Variants in COMMD10 observed in about 807,000 individuals in gnomAD.
COMMD10 encodes the protein COMM domain containing 10.
Under a neutral mutation model 28.9 loss-of-function variants are expected in COMMD10, and 33 were observed. The observed-to-expected ratio is 1.14, with a 90% confidence interval of 0.87 to 1.53. The LOEUF is 1.53. Among genes scored for constraint, COMMD10 ranks in the 40% most tolerant of loss-of-function variants. The pLI is 0.00. For synonymous variants in COMMD10, 110 were observed against 81.7 expected (o/e 1.35, Z -1.87); for missense variants, 310 against 233.4 (o/e 1.33, Z -2.14).
At chr5:116,117,263 T>C (rs940474112) in intron 4 of COMMD10, among the ~76,000 whole-genome samples, 2 of 152,194 alleles carry the variant, frequency 1.3e-5, no homozygotes, top group Non-Finnish European at 2.9e-5. Context: ...ATGGATATTA[T>C]ATTTTTTTCC....
chr5:116,119,852 G>C (rs571494351), intron 4 of COMMD10, among the ~76,000 whole-genome samples: 2 of 152,066 alleles, frequency 1.3e-5, no homozygotes, highest in Non-Finnish European at 2.9e-5. Context: ...TTGGCCTCAA[G>C]CAATTGGTCC....
At chr5:116,225,410 G>A (rs1051931157) in intron 5 of COMMD10, among the ~76,000 whole-genome samples, 12 of 144,376 alleles carry the variant, frequency 8.3e-5, no homozygotes, top group Admixed American at 7.9e-4. Context: ...TAGACATTGG[G>A]AAACATATGG....
At chr5:116,242,611 A>G (rs1749842403) in intron 5 of COMMD10, among the ~76,000 whole-genome samples, 1 of 152,194 alleles carries the variant, frequency 6.6e-6, no homozygotes, top group Non-Finnish European at 1.5e-5. Flanking sequence ...CTATGTCCTT[A>G]ACAAGTACTT....
intron 5 of COMMD10, among the ~76,000 whole-genome samples, chr5:116,145,298 G>A (rs145101387): frequency 2.6e-3 from 392 of 151,952 alleles, no homozygotes; most frequent in Non-Finnish European, 4.4e-3. Context: ...ACTTTGAGAG[G>A]AGAACTGTTG....
At chr5:116,203,256 A>G (rs1015936532) in intron 5 of COMMD10, among the ~76,000 whole-genome samples, 3 of 152,210 alleles carry the variant, frequency 2.0e-5, no homozygotes, top group African/African-American at 7.2e-5. Context: ...GACCAAATCT[A>G]CGTCTGATTA....
chr5:116,278,592 G>A (rs1440382472), intron 5 of COMMD10, among the ~76,000 whole-genome samples: 2 of 151,790 alleles, frequency 1.3e-5, no homozygotes, highest in Non-Finnish European at 2.9e-5. Flanking sequence ...TAGCCAAAAT[G>A]AATATATCTA....
In COMMD10 at chr5:116,092,660, C is replaced by G. The variant is rs760914074; in HGVS notation, c.359C>G (p.Thr120Arg). ...ACGTGGTCTTCTATGGGTCAAGAAA[C>G]AGTTGAAAAGTTCCGGCAGAGAATT... ...VNTWSSMGQE[T>R]VEKFRQRILA... The change falls in exon 4 of 7, where the codon ACA becomes AGA. Residue 120 changes from threonine (T) to arginine (R), a missense_variant. Physicochemically the swap from Thr to Arg is moderately conservative, Grantham distance 71. Transcript: ENST00000274458. 1.2e-6 allele frequency: 2 copies of G among 1,609,650 alleles called. No homozygotes were observed. Among genetic ancestry groups the G allele is most frequent in the African/African-American group, 1.3e-5 (1 of 74,920 alleles).
At chr5:116,112,824 T>C (rs1285508218) in intron 4 of COMMD10, among the ~76,000 whole-genome samples, 1 of 152,230 alleles carries the variant, frequency 6.6e-6, no homozygotes, top group African/African-American at 2.4e-5. Context: ...TTGTAAACTT[T>C]TGGGTTTTTT....
At chr5:116,157,661 T>G (rs1245451765) in intron 5 of COMMD10, among the ~76,000 whole-genome samples, 1 of 152,204 alleles carries the variant, frequency 6.6e-6, no homozygotes, top group African/African-American at 2.4e-5. Flanking sequence ...TTCTAATTGT[T>G]GATGGAACAT....
chr5:116,213,947 C>G lies in COMMD10; in HGVS notation c.511-77570C>G, dbSNP rs138156308. 2.2e-4 allele frequency among the ~76,000 whole-genome samples: 34 copies of G among 152,150 alleles called. No homozygotes were observed. In the East Asian group the frequency reaches 6.6e-3, roughly 29 times the overall value. On this transcript the variant is annotated intron_variant, in intron 5 of 6. Transcript: ENST00000274458. ...TTTCATGGAATAGAATATTTTAAAACAACTTTGGCTTGAATTTTTAATTAT... is the reference window on the plus strand; with the variant it reads ...TTTCATGGAATAGAATATTTTAAAAGAACTTTGGCTTGAATTTTTAATTAT...
chr5:116,276,073 C>T (rs549686858), intron 5 of COMMD10, among the ~76,000 whole-genome samples: 1 of 151,130 alleles, frequency 6.6e-6, no homozygotes, highest in South Asian at 2.1e-4. Flanking sequence ...TGCTGTACAG[C>T]ACCAAAGCAA....
intron 5 of COMMD10, among the ~76,000 whole-genome samples, chr5:116,240,968 T>C (rs891221802): frequency 1.3e-5 from 2 of 152,198 alleles, no homozygotes; most frequent in Admixed American, 1.3e-4. Context: ...GATCCATTTT[T>C]TGTTAAAACA....
intron 1 of COMMD10, 64 bp from the exon 2 acceptor site, chr5:116,087,433 C>A: frequency 1.1e-6 from 1 of 946,690 alleles, no homozygotes; most frequent in Non-Finnish European, 1.7e-6. Context: ...TTATAGACAA[C>A]TATAGAAAGT....
intron 4 of COMMD10, among the ~76,000 whole-genome samples, chr5:116,108,571 G>A (rs1049052423): frequency 6.6e-6 from 1 of 152,226 alleles, no homozygotes; most frequent in African/African-American, 2.4e-5. Context: ...GGTCAACTCA[G>A]ACTGCTGTGC....
intron 5 of COMMD10, among the ~76,000 whole-genome samples, chr5:116,197,159 A>G (rs1580540690): frequency 6.6e-6 from 1 of 152,122 alleles, no homozygotes; most frequent in African/African-American, 2.4e-5. Context: ...CATAGCCTAC[A>G]TTACAATCAT....
intron 5 of COMMD10, among the ~76,000 whole-genome samples, chr5:116,193,878 C>T (rs775518806): frequency 8.6e-5 from 13 of 151,994 alleles, no homozygotes; most frequent in Admixed American, 1.3e-4. Context: ...TTCAACAGTG[C>T]ATGCAACTTT....
chr5:116,205,540 A>G (rs539211167), intron 5 of COMMD10, among the ~76,000 whole-genome samples: 1 of 152,156 alleles, frequency 6.6e-6, no homozygotes, highest in Non-Finnish European at 1.5e-5. Context: ...ATGCACATAT[A>G]CCCATATATG....
rs962024979 is a variant in COMMD10, at chr5:116,154,731, CTTTTCT to C, written c.510+20570_510+20575del. Among the ~76,000 whole-genome samples the C allele has an allele frequency of 3.3e-5, 5 of 151,900 alleles. No individual in the cohort carries two copies. In the South Asian group the frequency reaches 6.2e-4, roughly 19 times the overall value. Reference sequence around the variant, plus strand: ...CTGCCAGCCTTGACCACAGAACTTACTTTTCTTTTTCTTTTTCTTTTTGCACATACA... The same window carrying C: ...CTGCCAGCCTTGACCACAGAACTTACTTTTCTTTTTCTTTTTGCACATACA... On this transcript the variant is annotated intron_variant, in intron 5 of 6. Transcript: ENST00000274458.
At chr5:116,197,456 A>G (rs930568419) in intron 5 of COMMD10, among the ~76,000 whole-genome samples, 1 of 152,092 alleles carries the variant, frequency 6.6e-6, no homozygotes, top group African/African-American at 2.4e-5. Context: ...ATCTTGGCTC[A>G]CTGCAACCTC....
Sources: allele counts gnomAD v4.1 joint callset (sites outside exome capture counted in the v4.1 genomes callset), GRCh38; gene constraint gnomAD v4.1.1; transcripts MANE v1.5; gene names NCBI Gene and HGNC (gene_info 2026-07-23, HGNC 2026-07-21).